RGS5: variants seen among roughly 807,000 people sequenced by gnomAD.
RGS5 encodes regulator of G protein signaling 5.
In RGS5, 20 loss-of-function variants were observed where a neutral mutation model predicts 18.9. That is an observed-to-expected ratio of 1.06 (90% CI 0.74 to 1.54). The LOEUF is 1.54. RGS5 is among the 40% of genes most tolerant of loss of function. RGS5 has a pLI of 0.00. For synonymous variants in RGS5, 57 were observed against 76.2 expected (o/e 0.75, Z 1.31); for missense variants, 201 against 211.8 (o/e 0.95, Z 0.32).
chr1:163,252,838 T>C (rs1300221538), intron 2 of RGS5, among the ~76,000 whole-genome samples: 1 of 152,182 alleles, frequency 6.6e-6, no homozygotes, highest in Admixed American at 6.5e-5. Context: ...ACATGGATTC[T>C]AGCCTTGGAT....
chr1:163,246,342 G>A (rs975900400), intron 2 of RGS5, among the ~76,000 whole-genome samples: 19 of 151,704 alleles, frequency 1.3e-4, no homozygotes, highest in South Asian at 4.1e-4. Context: ...AGGCTGAGGC[G>A]GGCGGATCAC....
upstream of RGS5, among the ~76,000 whole-genome samples, chr1:163,204,132 T>A (rs939696511): frequency 3.9e-5 from 6 of 152,192 alleles, no homozygotes; most frequent in African/African-American, 1.2e-4. Context: ...TATGACCTGA[T>A]GTTTTTAATG....
At chr1:163,224,376 AAGG>A (rs1458144105) in intron 2 of RGS5, among the ~76,000 whole-genome samples, 1 of 152,218 alleles carries the variant, frequency 6.6e-6, no homozygotes, top group Admixed American at 6.5e-5. Context: ...TTGCAAATGA[AAGG>A]AGTTTCTCTT....
chr1:163,153,573 C>T (rs1657461862), intron 3 of RGS5, among the ~76,000 whole-genome samples: 1 of 151,748 alleles, frequency 6.6e-6, no homozygotes, highest in Admixed American at 6.6e-5. Flanking sequence ...GATTCTGTTT[C>T]CAGTGTACAA....
chr1:163,190,836 A>G (rs997092349), intron 1 of RGS5, among the ~76,000 whole-genome samples: 3 of 152,188 alleles, frequency 2.0e-5, no homozygotes, highest in Admixed American at 6.5e-5. Flanking sequence ...TTGCCTGGCT[A>G]TATGGTCAGT....
chr1:163,315,887 GTTCAATGT>G (rs1650006143), intron 1 of RGS5, among the ~76,000 whole-genome samples: 1 of 152,180 alleles, frequency 6.6e-6, no homozygotes, highest in Middle Eastern at 3.4e-3. Context: ...AGAACATTGT[GTTCAATGT>G]TTATCACTCT....
chr1:163,217,439 T>G, intron 1 of RGS5: 1 of 1,363,392 alleles, frequency 7.3e-7, no homozygotes, highest in Non-Finnish European at 9.6e-7. Context: ...ACTATTGGCA[T>G]CCTTCCACAA....
At chr1:163,266,419 T>C (rs947562178) in intron 2 of RGS5, among the ~76,000 whole-genome samples, 17 of 152,184 alleles carry the variant, frequency 1.1e-4, no homozygotes, top group Non-Finnish European at 1.5e-4. Flanking sequence ...CAAATCACTA[T>C]AAGAATGATG....
intron 1 of RGS5, among the ~76,000 whole-genome samples, chr1:163,184,049 C>A (rs1321555079): frequency 1.3e-5 from 2 of 152,136 alleles, no homozygotes; most frequent in East Asian, 1.9e-4. Flanking sequence ...GTGGTTCTTG[C>A]ACGTTGAGGA....
At chr1:163,190,323 T>C (rs1557898072) in intron 1 of RGS5, among the ~76,000 whole-genome samples, 1 of 152,206 alleles carries the variant, frequency 6.6e-6, no homozygotes, top group Non-Finnish European at 1.5e-5. Flanking sequence ...ATTAGCTTGC[T>C]ATTGGACATT....
chr1:163,252,900 G>A (rs538077889), intron 2 of RGS5, among the ~76,000 whole-genome samples: 8 of 152,212 alleles, frequency 5.3e-5, no homozygotes, highest in South Asian at 4.1e-4. Context: ...TTCTGAGCCC[G>A]AATTTCATCA....
At chr1:163,168,580 T>C (rs1451868101) in intron 1 of RGS5, among the ~76,000 whole-genome samples, 1 of 152,232 alleles carries the variant, frequency 6.6e-6, no homozygotes, top group Non-Finnish European at 1.5e-5. Context: ...CTTCATTAAT[T>C]TGCACTACAT....
intron 2 of RGS5, among the ~76,000 whole-genome samples, chr1:163,282,023 G>A (rs144560061): frequency 6.6e-6 from 1 of 151,294 alleles, no homozygotes; most frequent in African/African-American, 2.4e-5. Flanking sequence ...TATTATGGGT[G>A]AGACTTCAGA....
intron 1 of RGS5, among the ~76,000 whole-genome samples, chr1:163,192,843 A>G (rs1267905750): frequency 6.6e-6 from 1 of 152,224 alleles, no homozygotes; most frequent in Non-Finnish European, 1.5e-5. Flanking sequence ...TACACAGGTT[A>G]TGTGGTCTCA....
At chr1:163,172,637 C>G (rs1221556762) in intron 1 of RGS5, 10 of 1,546,666 alleles carry the variant, frequency 6.5e-6, no homozygotes, top group Non-Finnish European at 8.7e-6. Flanking sequence ...TTGGAAAACA[C>G]TTCTTTCTAT....
chr1:163,187,688 C>T (rs1166671659), intron 1 of RGS5, among the ~76,000 whole-genome samples: 1 of 152,128 alleles, frequency 6.6e-6, no homozygotes, highest in East Asian at 1.9e-4. Flanking sequence ...CTCCGCACCC[C>T]CTCCCCCATG....
At chr1:163,182,480 T>C (rs1658892833) in intron 1 of RGS5, among the ~76,000 whole-genome samples, 1 of 152,228 alleles carries the variant, frequency 6.6e-6, no homozygotes, top group Admixed American at 6.5e-5. Flanking sequence ...GAAATTGAGA[T>C]ATTTCCCATG....
intron 1 of RGS5, among the ~76,000 whole-genome samples, chr1:163,308,282 C>A (rs1003960383): frequency 6.6e-5 from 10 of 152,108 alleles, no homozygotes. Context: ...ATGAAAATAA[C>A]CCCTCCCCAT....
intron 2 of RGS5, among the ~76,000 whole-genome samples, chr1:163,245,533 C>G (rs1025619130): frequency 6.6e-6 from 1 of 152,214 alleles, no homozygotes; most frequent in African/African-American, 2.4e-5. Flanking sequence ...TCTTAAAAAT[C>G]AGGAACCAAG....
Sources: gnomAD v4.1 joint callset for allele counts (sites outside exome capture counted in the v4.1 genomes callset) on GRCh38, gnomAD v4.1.1 for gene constraint, MANE v1.5 for transcripts, NCBI Gene and HGNC (gene_info 2026-07-23, HGNC 2026-07-21) for gene names.